The following WDFY2 variants were observed in gnomAD, a reference collection of about 807,000 sequenced individuals.
WDFY2 encodes WD repeat and FYVE domain-containing protein 2.
Under a neutral mutation model 56.4 loss-of-function variants are expected in WDFY2, and 36 were observed. That is an observed-to-expected ratio of 0.64 (90% confidence interval 0.49 to 0.84). The LOEUF is 0.84. WDFY2 is among the 40% of genes least tolerant of loss of function. The probability of loss-of-function intolerance (pLI) is 0.00; values close to 1 mark genes in which losing one functional copy is unlikely to be tolerated. For missense variants in WDFY2, 444 were observed against 512.2 expected, an observed-to-expected ratio of 0.87 and a Z score of 1.29; for synonymous variants, 176 against 183.7, an observed-to-expected ratio of 0.96 and a Z score of 0.34.
intron 1 of WDFY2, among the ~76,000 whole-genome samples, chr13:51,640,856 C>T (rs150316706): frequency 1.3e-5 from 2 of 150,812 alleles, no homozygotes; most frequent in East Asian, 3.9e-4. Context: ...CATTTAATTC[C>T]TCTAGAGTCC....
intron 1 of WDFY2, among the ~76,000 whole-genome samples, chr13:51,628,608 C>T (rs928121191): frequency 3.9e-5 from 6 of 152,196 alleles, no homozygotes; most frequent in Admixed American, 2.6e-4. Context: ...GTATCCCTAG[C>T]GGCACCCCCC....
intron 5 of WDFY2, among the ~76,000 whole-genome samples, chr13:51,727,201 T>C (rs1481576095): frequency 6.6e-6 from 1 of 152,240 alleles, no homozygotes; most frequent in Non-Finnish European, 1.5e-5. Flanking sequence ...AATTTCATTG[T>C]GCTTTTGGGT....
chr13:51,751,920 C>G (rs1035003767), intron 8 of WDFY2, among the ~76,000 whole-genome samples: 4 of 152,182 alleles, frequency 2.6e-5, no homozygotes, highest in African/African-American at 9.6e-5. Context: ...TACATGTTAT[C>G]AGAACATTCT....
chr13:51,738,365 C>A (rs1952889029), intron 6 of WDFY2, among the ~76,000 whole-genome samples: 1 of 152,150 alleles, frequency 6.6e-6, no homozygotes, highest in Non-Finnish European at 1.5e-5. Flanking sequence ...TACTGCACAA[C>A]AAGTTTAGAG....
At chr13:51,601,887 G>A (rs1279641495) in intron 1 of WDFY2, among the ~76,000 whole-genome samples, 1 of 152,170 alleles carries the variant, frequency 6.6e-6, no homozygotes, top group Non-Finnish European at 1.5e-5. Context: ...TTGTTTTTCA[G>A]AGGAAAAGCT....
intron 8 of WDFY2, among the ~76,000 whole-genome samples, chr13:51,753,861 G>T (rs1042218501): frequency 6.6e-6 from 1 of 151,768 alleles, no homozygotes; most frequent in African/African-American, 2.4e-5. Flanking sequence ...AAGGCAGGTG[G>T]ATCACTTGAG....
At position 51,759,841 on chromosome 13, in the gene WDFY2, G is replaced by C; in HGVS notation, c.*72G>C. 2.0e-6 allele frequency: 3 copies of C among 1,481,686 alleles called. No homozygotes were observed. Among genetic ancestry groups the C allele is most frequent in the Non-Finnish European group, 2.8e-6 (3 of 1,066,628 alleles). 91.8% of individuals were successfully genotyped at this position (1,481,686 alleles called of 1,614,324 possible). ...TGTTTTAACCCAAATCATTACCAGA[G>C]TGGTAAAGCAGACATGTGAGAAGTA... is the stretch of plus-strand genomic sequence containing the variant. On this transcript the variant is annotated 3_prime_UTR_variant, in exon 12 of 12. Transcript: ENST00000298125.
rs529992897 is a variant in WDFY2 at position 51,591,066 on chromosome 13, G to A, written c.137+6242G>A. On this transcript the variant is annotated intron_variant, in intron 1 of 11. Transcript: ENST00000298125. ...TGCATTGACCTTGGCATTTCCTGGG[G>A]CATTTCATCACTCTAAGCTTCAGTT... The A allele has an allele frequency of 3.3e-4, 50 of 152,390 alleles. 2 individuals carry two copies. Among genetic ancestry groups the A allele is most frequent in the African/African-American group, 9.4e-4 (39 of 41,556 alleles). The allele number at this position is 152,390 out of a possible 1,614,324, so 9.4% of individuals were successfully genotyped here. A position where few individuals can be genotyped will look rare whatever the true frequency, so the allele number is the denominator to read the frequency against.
intron 1 of WDFY2, among the ~76,000 whole-genome samples, chr13:51,622,521 A>T (rs1954751995): frequency 6.6e-6 from 1 of 152,232 alleles, no homozygotes; most frequent in African/African-American, 2.4e-5. Flanking sequence ...TAACCATCTC[A>T]GATACAGCTG....
intron 5 of WDFY2, among the ~76,000 whole-genome samples, chr13:51,722,277 CTCT>C (rs1178461913): frequency 2.0e-5 from 3 of 151,988 alleles, no homozygotes; most frequent in Non-Finnish European, 4.4e-5. Context: ...GCCTTTATTC[CTCT>C]TCTTTCAGGC....
In WDFY2 at chr13:51,763,706, G is replaced by A. The variant is rs1196921330; in HGVS notation, c.*3937G>A. The A allele has an allele frequency of 2.0e-5, 3 of 152,258 alleles. No individual in the cohort carries two copies. Among genetic ancestry groups the A allele is most frequent in the African/African-American group, 7.2e-5 (3 of 41,450 alleles). The allele number at this position is 152,258 out of a possible 1,614,324, so 9.4% of individuals were successfully genotyped here. ...CCAGCTACTCAGGAAGCTGAGGCGG[G>A]AGGATCACTCGAGCCCAGGAATTCA... On this transcript the variant is annotated 3_prime_UTR_variant, in exon 12 of 12. Transcript: ENST00000298125.
chr13:51,628,157 C>T (rs1954873532), intron 1 of WDFY2, among the ~76,000 whole-genome samples: 1 of 152,192 alleles, frequency 6.6e-6, no homozygotes, highest in Non-Finnish European at 1.5e-5. Flanking sequence ...TCCACGGCAC[C>T]CAGGCTGTTC....
intron 4 of WDFY2, among the ~76,000 whole-genome samples, chr13:51,703,860 C>G (rs1679140349): frequency 6.6e-6 from 1 of 152,142 alleles, no homozygotes; most frequent in African/African-American, 2.4e-5. Context: ...AGTGCAGAGC[C>G]AGATCAGGTC....
Position 51,765,595 on chromosome 13 carries a change from C to CG in WDFY2, c.*5826_*5827insG, listed in dbSNP as rs1469111536. ...GAGTCTCGTTTATTATTGGACATGC[C>CG]TAGCCCATCACCAGTGACCTGCCCG... On this transcript the variant is annotated 3_prime_UTR_variant, in exon 12 of 12. Transcript: ENST00000298125. 1 of 152,174 alleles carries CG rather than the reference C, an allele frequency of 6.6e-6. No homozygotes were observed. Among genetic ancestry groups the CG allele is most frequent in the African/African-American group, 2.4e-5 (1 of 41,450 alleles). 9.4% of individuals were successfully genotyped at this position (152,174 alleles called of 1,614,324 possible). A position where few individuals can be genotyped will look rare whatever the true frequency, so the allele number is the denominator to read the frequency against.
At chr13:51,629,040 T>C (rs1306784953) in intron 1 of WDFY2, among the ~76,000 whole-genome samples, 1 of 152,204 alleles carries the variant, frequency 6.6e-6, no homozygotes, top group Non-Finnish European at 1.5e-5. Context: ...AACTTTGAAG[T>C]TGAAATTCTG....
At chr13:51,755,583 C>A in intron 9 of WDFY2, 124 bp downstream of exon 9, 1 of 843,664 alleles carries the variant, frequency 1.2e-6, no homozygotes, top group Non-Finnish European at 1.9e-6. Context: ...CCTGGAGTCA[C>A]CTCGTGATTG....
intron 4 of WDFY2, among the ~76,000 whole-genome samples, chr13:51,718,551 A>G (rs1000977689): frequency 7.4e-6 from 1 of 135,358 alleles, no homozygotes; most frequent in Non-Finnish European, 1.6e-5. Context: ...TGCTCTTATT[A>G]TCATTCATAC....
intron 3 of WDFY2, among the ~76,000 whole-genome samples, chr13:51,686,262 C>G (rs7327107): frequency 0.48 from 72,961 of 151,854 alleles, 17,811 homozygotes; most frequent in Admixed American, 0.55. Context: ...ACTCACTGTT[C>G]ATTGAGGGTG....
chr13:51,740,037 T>C (rs569918683), intron 7 of WDFY2, among the ~76,000 whole-genome samples: 22 of 152,372 alleles, frequency 1.4e-4, no homozygotes, highest in Admixed American at 3.3e-4. Flanking sequence ...ATGTTTGTAA[T>C]GCTTCTATGA....
Sources: allele counts gnomAD v4.1 joint callset (sites outside exome capture counted in the v4.1 genomes callset), GRCh38; gene constraint gnomAD v4.1.1; transcripts MANE v1.5; gene names NCBI Gene and HGNC (gene_info 2026-07-23, HGNC 2026-07-21).